The following RNF38 variants were observed in gnomAD, a reference collection of about 807,000 sequenced individuals.
RNF38 encodes E3 ubiquitin-protein ligase RNF38.
A neutral mutation model predicts 67.2 loss-of-function variants in RNF38; 15 were observed. The ratio of observed to expected loss-of-function variants is 0.22; its 90% CI spans 0.15 to 0.34. The LOEUF (loss-of-function observed/expected upper bound fraction) is 0.34, where lower values mean the gene tolerates loss of function less well. Ranked by LOEUF, RNF38 falls within the 10% of genes least tolerant of loss-of-function variation. The probability of loss-of-function intolerance (pLI) is 1.00; values close to 1 mark genes in which losing one functional copy is unlikely to be tolerated. For missense variants in RNF38, 524 were observed against 639.9 expected, an observed-to-expected ratio of 0.82 and a Z score of 1.95; for synonymous variants, 220 against 218.8, an observed-to-expected ratio of 1.01 and a Z score of -0.05.
At chr9:36,449,058 T>G (rs890907720) in intron 1 of RNF38, among the ~76,000 whole-genome samples, 5 of 152,162 alleles carry the variant, frequency 3.3e-5, no homozygotes, top group Non-Finnish European at 7.3e-5. Flanking sequence ...AGTTAAAACA[T>G]ACAACTGATA....
At chr9:36,440,313 A>C (rs896608126) in intron 1 of RNF38, among the ~76,000 whole-genome samples, 3 of 152,070 alleles carry the variant, frequency 2.0e-5, no homozygotes, top group African/African-American at 7.2e-5. Context: ...ACTTTGGGAG[A>C]TGGGCGGATC....
At chr9:36,462,140 G>A (rs961229112) in intron 1 of RNF38, among the ~76,000 whole-genome samples, 1 of 152,184 alleles carries the variant, frequency 6.6e-6, no homozygotes, top group African/African-American at 2.4e-5. Context: ...GTAAGATGTG[G>A]TCTGAATATC....
intron 4 of RNF38, 87 bp from the exon 5 acceptor site, chr9:36,358,029 TCC>T: frequency 9.4e-7 from 1 of 1,064,962 alleles, no homozygotes; most frequent in East Asian, 2.4e-5. Context: ...ATTTATTGGC[TCC>T]TCTCTCAGCT....
intron 1 of RNF38, among the ~76,000 whole-genome samples, chr9:36,395,657 A>G (rs1388149515): frequency 1.3e-5 from 2 of 152,244 alleles, no homozygotes; most frequent in Non-Finnish European, 2.9e-5. Context: ...AGGTAGATTA[A>G]TAATTTAAAA....
intron 2 of RNF38, among the ~76,000 whole-genome samples, chr9:36,408,868 A>G (rs758995822): frequency 3.4e-4 from 51 of 152,230 alleles, no homozygotes; most frequent in Non-Finnish European, 6.5e-4. Flanking sequence ...TTATACTTAC[A>G]TAAGTGCTTC....
At chr9:36,463,091 A>C (rs1330172501) in intron 1 of RNF38, among the ~76,000 whole-genome samples, 1 of 151,964 alleles carries the variant, frequency 6.6e-6, no homozygotes, top group Non-Finnish European at 1.5e-5. Flanking sequence ...ACCTGCTTTC[A>C]TTCTTTGCTT....
At chr9:36,470,702 A>C (rs567735831) in intron 1 of RNF38, among the ~76,000 whole-genome samples, 7 of 152,264 alleles carry the variant, frequency 4.6e-5, no homozygotes, top group South Asian at 4.2e-4. Flanking sequence ...ACCTTAAAAC[A>C]AACCAACCAA....
At chr9:36,395,253 A>G (rs1837427114) in intron 1 of RNF38, among the ~76,000 whole-genome samples, 1 of 152,178 alleles carries the variant, frequency 6.6e-6, no homozygotes. Context: ...CACTAAAATT[A>G]GCACTTAGGA....
At chr9:36,367,530 C>T (rs1386919519) in intron 4 of RNF38, among the ~76,000 whole-genome samples, 3 of 152,074 alleles carry the variant, frequency 2.0e-5, no homozygotes, top group African/African-American at 4.8e-5. Flanking sequence ...TCTTTTAATA[C>T]ATCACTAGGT....
At chr9:36,437,361 A>T (rs752255553) in intron 1 of RNF38, among the ~76,000 whole-genome samples, 1 of 152,232 alleles carries the variant, frequency 6.6e-6, no homozygotes, top group Non-Finnish European at 1.5e-5. Flanking sequence ...CAAGAGGAAA[A>T]ATCTACATAG....
intron 2 of RNF38, among the ~76,000 whole-genome samples, chr9:36,388,374 AGTCTT>A (rs1258907301): frequency 6.6e-6 from 1 of 152,248 alleles, no homozygotes; most frequent in Non-Finnish European, 1.5e-5. Flanking sequence ...ATTAAAAAGA[AGTCTT>A]GACTAGGAGC....
At chr9:36,371,978 T>A (rs1478095000) in intron 3 of RNF38, among the ~76,000 whole-genome samples, 3 of 151,228 alleles carry the variant, frequency 2.0e-5, no homozygotes, top group Non-Finnish European at 2.9e-5. Flanking sequence ...TCTGCCAGGC[T>A]GGAGTGCAGT....
At chr9:36,430,077 C>A (rs1432342941) in intron 1 of RNF38, among the ~76,000 whole-genome samples, 5 of 152,158 alleles carry the variant, frequency 3.3e-5, no homozygotes, top group Non-Finnish European at 7.3e-5. Flanking sequence ...TACTCTCACC[C>A]AGTCCTCCAA....
At chr9:36,361,415 G>A (rs1313550447) in intron 4 of RNF38, among the ~76,000 whole-genome samples, 7 of 105,500 alleles carry the variant, frequency 6.6e-5, no homozygotes, top group Admixed American at 1.2e-4. Flanking sequence ...CGCCCGCCTC[G>A]GCCTCCCAAA....
At chr9:36,463,464 G>A (rs918751801) in intron 1 of RNF38, among the ~76,000 whole-genome samples, 1 of 152,056 alleles carries the variant, frequency 6.6e-6, no homozygotes, top group Non-Finnish European at 1.5e-5. Context: ...TCTAAACGTA[G>A]GCCTTGAAAA....
At chr9:36,351,836 T>A (rs755691879) in intron 8 of RNF38, among the ~76,000 whole-genome samples, 1 of 152,142 alleles carries the variant, frequency 6.6e-6, no homozygotes, top group Non-Finnish European at 1.5e-5. Context: ...GAGGAGCAGG[T>A]AGGCAGAGGA....
At chr9:36,387,152 A>G (rs1357591177) in intron 2 of RNF38, among the ~76,000 whole-genome samples, 1 of 152,182 alleles carries the variant, frequency 6.6e-6, no homozygotes, top group Non-Finnish European at 1.5e-5. Flanking sequence ...CGTGTTTAAC[A>G]CATAATCAAG....
upstream of RNF38, chr9:36,487,630 C>G (rs1840453703): frequency 3.1e-6 from 3 of 962,390 alleles, no homozygotes; most frequent in African/African-American, 5.4e-5. Context: ...TGGGCCCCGG[C>G]CGGCAGCAGC....
At chr9:36,362,163 C>T in intron 4 of RNF38, among the ~76,000 whole-genome samples, 1 of 152,042 alleles carries the variant, frequency 6.6e-6, no homozygotes, top group Non-Finnish European at 1.5e-5. Context: ...TTGAGACCAG[C>T]CTGGTCAACA....
Sources: gnomAD v4.1 joint callset for allele counts (sites outside exome capture counted in the v4.1 genomes callset) on GRCh38, gnomAD v4.1.1 for gene constraint, MANE v1.5 for transcripts, NCBI Gene and HGNC (gene_info 2026-07-23, HGNC 2026-07-21) for gene names.